Variants in IFT52 observed in about 807,000 individuals in gnomAD.
IFT52 encodes intraflagellar transport 52.
A neutral mutation model predicts 54.4 loss-of-function variants in IFT52; 44 were observed. That is an observed-to-expected ratio of 0.81 (90% CI 0.63 to 1.04). IFT52 has a LOEUF of 1.04. Ranked by LOEUF, IFT52 falls within the 50% of genes least tolerant of loss-of-function variation. IFT52 has a pLI of 0.00. For missense variants in IFT52, 452 were observed against 523.6 expected, an observed-to-expected ratio of 0.86 and a Z score of 1.33; for synonymous variants, 181 against 185.3, an observed-to-expected ratio of 0.98 and a Z score of 0.19.
intron 3 of IFT52, among the ~76,000 whole-genome samples, chr20:43,598,145 A>T (rs75981469): frequency 0.011 from 1,660 of 152,302 alleles, 21 homozygotes; most frequent in African/African-American, 0.03. Flanking sequence ...CTACACATGG[A>T]TGAATCTTGA....
intron 6 of IFT52, among the ~76,000 whole-genome samples, chr20:43,607,242 G>A (rs1274052779): frequency 2.0e-5 from 3 of 151,082 alleles, no homozygotes; most frequent in Admixed American, 2.0e-4. Flanking sequence ...CCCGGACGGG[G>A]CGGCTGGCCG....
At chr20:43,637,081 A>C in intron 11 of IFT52, 64 bp from the exon 12 acceptor site, 1 of 1,137,422 alleles carries the variant, frequency 8.8e-7, no homozygotes, top group Non-Finnish European at 1.3e-6. Flanking sequence ...CTCTTTCTTG[A>C]GAGACTTTAT....
intron 3 of IFT52, among the ~76,000 whole-genome samples, chr20:43,596,738 T>C (rs908526788): frequency 7.1e-5 from 1 of 14,040 alleles, no homozygotes. Context: ...CCACACTTCT[T>C]TTTTTTTTTT....
rs947226563 is a variant in IFT52, at chr20:43,647,161, T to C, written c.*178T>C. The C allele has an allele frequency of 1.7e-5, 10 of 593,388 alleles. No homozygotes were observed. The highest frequency in any genetic ancestry group is 1.1e-4 in the African/African-American group (6 of 53,810). The allele number at this position is 593,388 out of a possible 1,614,324, so 36.8% of individuals were successfully genotyped here. A position where few individuals can be genotyped will look rare whatever the true frequency, so the allele number is the denominator to read the frequency against. On this transcript the variant is annotated 3_prime_UTR_variant, in exon 14 of 14. Transcript: ENST00000373030. ...TATAAGATTTTTCACAAAATCCTTA[T>C]GTAAGATACATTCCATTTTTAAAAA...
chr20:43,596,808 C>G (rs1039233954), intron 3 of IFT52, among the ~76,000 whole-genome samples: 5 of 136,444 alleles, frequency 3.7e-5, no homozygotes, highest in Admixed American at 1.7e-4. Context: ...GTGGCGCAAT[C>G]TCGGCTCACT....
intron 12 of IFT52, among the ~76,000 whole-genome samples, chr20:43,638,087 T>G (rs1011524517): frequency 6.6e-6 from 1 of 152,074 alleles, no homozygotes; most frequent in Non-Finnish European, 1.5e-5. Flanking sequence ...ATGAATTGCC[T>G]CCAACACAGC....
intron 3 of IFT52, among the ~76,000 whole-genome samples, chr20:43,602,623 C>T (rs1982552078): frequency 6.6e-6 from 1 of 152,086 alleles, no homozygotes; most frequent in Admixed American, 6.6e-5. Flanking sequence ...ATTCCCCTCC[C>T]TCAACCTTCC....
chr20:43,639,486 C>T (rs992668029), intron 12 of IFT52, among the ~76,000 whole-genome samples: 4 of 152,146 alleles, frequency 2.6e-5, no homozygotes, highest in Admixed American at 6.6e-5. Flanking sequence ...GCCTGACCAA[C>T]ATGGAGAAAC....
intron 1 of IFT52, among the ~76,000 whole-genome samples, chr20:43,592,527 T>G (rs929758273): frequency 6.6e-6 from 1 of 150,752 alleles, no homozygotes; most frequent in Non-Finnish European, 1.5e-5. Context: ...TGAGCCGAGA[T>G]CGTGCCACTG....
At chr20:43,605,323 G>A in intron 6 of IFT52, 5 of 839,640 alleles carry the variant, frequency 6.0e-6, no homozygotes, top group Non-Finnish European at 7.9e-6. Context: ...GAGGTGGGTG[G>A]CCCACCTGAG....
At chr20:43,618,836 T>G in intron 7 of IFT52, 104 bp from the exon 8 acceptor site, 1 of 736,876 alleles carries the variant, frequency 1.4e-6, no homozygotes, top group East Asian at 2.6e-5. Flanking sequence ...CACTCTTCAG[T>G]ATATAAGACA....
intron 9 of IFT52, among the ~76,000 whole-genome samples, chr20:43,623,254 G>A (rs959539814): frequency 1.3e-5 from 2 of 152,060 alleles, no homozygotes; most frequent in African/African-American, 2.4e-5. Flanking sequence ...GTTTGATCAC[G>A]GCTCACTGCA....
At chr20:43,605,665 C>T (rs1048616126) in intron 6 of IFT52, among the ~76,000 whole-genome samples, 1 of 151,952 alleles carries the variant, frequency 6.6e-6, no homozygotes, top group Non-Finnish European at 1.5e-5. Context: ...CCCAGTTTAT[C>T]TAACCAACTC....
At chr20:43,610,491 T>G (rs1983351036) in intron 6 of IFT52, among the ~76,000 whole-genome samples, 1 of 151,846 alleles carries the variant, frequency 6.6e-6, no homozygotes, top group Admixed American at 6.6e-5. Context: ...TCCAGCACTT[T>G]GGGAGGCTGA....
Position 43,624,025 on chromosome 20 carries a change from CTCCTTCCACAGCGT to C in IFT52, c.904_917del (p.Ser302HisfsTer12). 6.2e-7 allele frequency: 1 copy of C among 1,614,138 alleles called. No homozygotes were observed. Among genetic ancestry groups the C allele is most frequent in the African/African-American group, 1.3e-5 (1 of 75,044 alleles). On this transcript the variant is annotated frameshift_variant, in exon 10 of 14. Coordinates refer to ENST00000373030, the MANE Select transcript of IFT52 (RefSeq NM_016004.5). LOFTEE classifies it high-confidence loss of function. ...TGTCCATCTTCCAGCTGGATACCAC[CTCCTTCCACAGCGT>C]CATCGAGTCAGTACCTGTGGGCCTC...
At chr20:43,626,862 T>G (rs72626518) in intron 10 of IFT52, among the ~76,000 whole-genome samples, 4,588 of 152,028 alleles carry the variant, frequency 0.03, 92 homozygotes, top group Middle Eastern at 0.099. Flanking sequence ...GTTTAGAATT[T>G]AGGAAGAAAC....
chr20:43,640,489 C>A (rs901634872), intron 12 of IFT52, among the ~76,000 whole-genome samples: 1 of 151,916 alleles, frequency 6.6e-6, no homozygotes, highest in Admixed American at 6.6e-5. Context: ...AAAAAAAATG[C>A]AGGGCATAAA....
chr20:43,612,699 AAAACAAAAC>A (rs961395787), intron 6 of IFT52, among the ~76,000 whole-genome samples: 4 of 60,792 alleles, frequency 6.6e-5, no homozygotes, highest in Admixed American at 1.8e-4. Context: ...CTTAAAAAAC[AAAACAAAAC>A]AAACAAAAAC....
At chr20:43,643,192 CAAA>C (rs1265564639) in intron 13 of IFT52, among the ~76,000 whole-genome samples, 1 of 129,634 alleles carries the variant, frequency 7.7e-6, no homozygotes, top group Non-Finnish European at 1.6e-5. Context: ...CAAAACAAAA[CAAA>C]AAAAAAACAG....
Sources: allele counts gnomAD v4.1 joint callset (sites outside exome capture counted in the v4.1 genomes callset), GRCh38; gene constraint gnomAD v4.1.1; transcripts MANE v1.5; gene names NCBI Gene and HGNC (gene_info 2026-07-23, HGNC 2026-07-21).